The following UNC5B variants were observed in gnomAD, a reference collection of about 807,000 sequenced individuals.
The protein encoded by UNC5B is unc-5 netrin receptor B.
In UNC5B, 56 loss-of-function variants were observed where a neutral mutation model predicts 103.7. That is an observed-to-expected ratio of 0.54 (90% CI 0.44 to 0.67). The LOEUF is 0.67. UNC5B is among the 30% of genes least tolerant of loss of function. UNC5B has a pLI of 0.00. For missense variants in UNC5B, 1,194 were observed against 1,284.5 expected (o/e 0.93, Z 1.08); for synonymous variants, 577 against 542.0 (o/e 1.06, Z -0.90).
At chr10:71,286,941 A>T in intron 5 of UNC5B, 72 bp downstream of exon 5, 1 of 1,559,394 alleles carries the variant, frequency 6.4e-7, no homozygotes, top group Non-Finnish European at 8.7e-7. Flanking sequence ...GGTAGGGGGG[A>T]CCCCTGGATT....
At chr10:71,286,665 GC>G in intron 4 of UNC5B, 23 bp from the exon 5 acceptor site, 1 of 1,613,014 alleles carries the variant, frequency 6.2e-7, no homozygotes, top group Non-Finnish European at 8.5e-7. Flanking sequence ...GGCCCTCACT[GC>G]CCCCTCACCC....
At chr10:71,245,871 C>G (rs1010755651) in intron 1 of UNC5B, among the ~76,000 whole-genome samples, 5 of 152,178 alleles carry the variant, frequency 3.3e-5, no homozygotes, top group Non-Finnish European at 5.9e-5. Context: ...TAGAGCAAAT[C>G]GTATCAGCTC....
At chr10:71,295,268 C>T (rs1286615331) in intron 13 of UNC5B, among the ~76,000 whole-genome samples, 1 of 152,190 alleles carries the variant, frequency 6.6e-6, no homozygotes, top group Non-Finnish European at 1.5e-5. Context: ...CAGCTTTGGC[C>T]AGAGAGTGGT....
chr10:71,254,698 C>T (rs1025105202), intron 1 of UNC5B, among the ~76,000 whole-genome samples: 11 of 152,248 alleles, frequency 7.2e-5, no homozygotes, highest in Admixed American at 6.5e-4. Context: ...CCTGTGGCAA[C>T]AGGTGCACTG....
intron 1 of UNC5B, among the ~76,000 whole-genome samples, chr10:71,265,502 C>T (rs1564722934): frequency 6.6e-6 from 1 of 152,206 alleles, no homozygotes; most frequent in Non-Finnish European, 1.5e-5. Flanking sequence ...TTTTCTCCGC[C>T]GCTTTCTCAG....
intron 1 of UNC5B, among the ~76,000 whole-genome samples, chr10:71,229,691 T>C (rs1266656767): frequency 6.6e-6 from 1 of 152,208 alleles, no homozygotes. Context: ...CTCACTTCCC[T>C]GGACTTCCTT....
rs1843769888 is a variant in UNC5B at position 71,236,081 on chromosome 10, AG to A, written c.79+23020del. 2.0e-5 allele frequency among the ~76,000 whole-genome samples: 3 copies of A among 152,150 alleles called. No homozygotes were observed. In the South Asian group the frequency reaches 6.2e-4, roughly 32 times the overall value. On this transcript the variant is annotated intron_variant, in intron 1 of 16. Coordinates refer to ENST00000335350, the MANE Select transcript of UNC5B (RefSeq NM_170744.5). ...GAAGGGGCCTTCTGGTCGGGGCAGG[AG>A]GGAACAGTGGAGATCTGAGTCCAAA...
intron 1 of UNC5B, among the ~76,000 whole-genome samples, chr10:71,266,056 G>A (rs1844516267): frequency 1.3e-5 from 2 of 152,130 alleles, no homozygotes; most frequent in African/African-American, 4.8e-5. Flanking sequence ...CCTGTCACTA[G>A]GCCGTGCTTC....
chr10:71,257,528 A>G (rs1844319077), intron 1 of UNC5B, among the ~76,000 whole-genome samples: 1 of 152,170 alleles, frequency 6.6e-6, no homozygotes, highest in East Asian at 1.9e-4. Context: ...GCAAGAAGGC[A>G]TATCCCTGAC....
intron 1 of UNC5B, among the ~76,000 whole-genome samples, chr10:71,257,289 G>A (rs1844312101): frequency 6.6e-6 from 1 of 152,232 alleles, no homozygotes; most frequent in African/African-American, 2.4e-5. Context: ...CTTCTTAAAT[G>A]GGACCGTTAT....
rs1843250229 is a variant in UNC5B, at chr10:71,212,646, G to C, written c.-340G>C. 1 of 198,902 alleles carries C rather than the reference G, an allele frequency of 5.0e-6. No homozygotes were observed. The highest frequency in any genetic ancestry group is 2.3e-5 in the African/African-American group (1 of 42,864). 12.3% of individuals were successfully genotyped at this position (198,902 alleles called of 1,614,324 possible). On this transcript the variant is annotated 5_prime_UTR_variant, in exon 1 of 17. Coordinates refer to ENST00000335350, the MANE Select transcript of UNC5B (RefSeq NM_170744.5). ...CGGGGCTCCGAGAGGCGCGCACTGG[G>C]GCTGGGACTGCGCGGCGCCGCCGCT... is the stretch of plus-strand genomic sequence containing the variant.
At position 71,286,815 on chromosome 10, in the gene UNC5B, G is replaced by T. The variant is rs1233655874; in HGVS notation, c.679G>T (p.Ala227Ser). ...LSDTANYTCV[A>S]KNIVAKRRST... ...GGACACTGCCAACTATACCTGCGTG[G>T]CCAAGAACATCGTGGCCAAACGCCG... The change falls in exon 5 of 17, where the codon GCC (alanine) becomes TCC (serine). Residue 227 changes from alanine (A) to serine (S), a missense_variant. Ala to Ser is a moderately conservative substitution (Grantham distance 99). Transcript: ENST00000335350. 2 of 1,614,044 alleles carry T rather than the reference G, an allele frequency of 1.2e-6. No individual in the cohort carries two copies. Among genetic ancestry groups the T allele is most frequent in the East Asian group, 2.2e-5 (1 of 44,890 alleles).
intron 1 of UNC5B, among the ~76,000 whole-genome samples, chr10:71,260,918 G>C (rs892917256): frequency 1.3e-5 from 2 of 152,216 alleles, no homozygotes; most frequent in Admixed American, 6.5e-5. Context: ...CTGCTGTTGC[G>C]CTGGGACACC....
intron 3 of UNC5B, 28 bp from the exon 4 acceptor site, chr10:71,285,298 T>G (rs749173793): frequency 6.3e-7 from 1 of 1,588,412 alleles, no homozygotes; most frequent in South Asian, 1.1e-5. Flanking sequence ...CGCACCTGAC[T>G]GCCTTGGGAC....
chr10:71,221,013 T>G (rs1843442039), intron 1 of UNC5B, among the ~76,000 whole-genome samples: 1 of 152,126 alleles, frequency 6.6e-6, no homozygotes, highest in African/African-American at 2.4e-5. Flanking sequence ...TTTTGTCTGG[T>G]TCTATCTGAA....
At chr10:71,247,008 T>C (rs1341573750) in intron 1 of UNC5B, among the ~76,000 whole-genome samples, 2 of 152,206 alleles carry the variant, frequency 1.3e-5, no homozygotes, top group Non-Finnish European at 2.9e-5. Flanking sequence ...ACGCCCCTGC[T>C]ACCTGGAGAA....
At chr10:71,271,799 C>T (rs1844651434) in intron 1 of UNC5B, among the ~76,000 whole-genome samples, 1 of 152,220 alleles carries the variant, frequency 6.6e-6, no homozygotes, top group South Asian at 2.1e-4. Context: ...CAGCTGGCCA[C>T]CTTGGCGAAG....
intron 1 of UNC5B, among the ~76,000 whole-genome samples, chr10:71,277,827 T>G (rs776121199): frequency 6.6e-6 from 1 of 152,200 alleles, no homozygotes; most frequent in Admixed American, 6.5e-5. Flanking sequence ...CTGAATGGTC[T>G]TCAGTTTCCT....
At chr10:71,226,619 A>G (rs909524113) in intron 1 of UNC5B, among the ~76,000 whole-genome samples, 19 of 152,378 alleles carry the variant, frequency 1.2e-4, no homozygotes, top group Admixed American at 4.6e-4. Flanking sequence ...GGATGGAGAA[A>G]GTATTTAGTG....
Sources: allele counts gnomAD v4.1 joint callset (sites outside exome capture counted in the v4.1 genomes callset), GRCh38; gene constraint gnomAD v4.1.1; transcripts MANE v1.5; gene names NCBI Gene and HGNC (gene_info 2026-07-23, HGNC 2026-07-21).